Variants in ZC3H12B observed in about 807,000 individuals in gnomAD.
ZC3H12B encodes zinc finger CCCH-type containing 12B, also known as probable ribonuclease ZC3H12B.
Under a neutral mutation model 43.9 loss-of-function variants are expected in ZC3H12B, and 7 were observed. That is an observed-to-expected ratio of 0.16 (90% confidence interval 0.09 to 0.30). The LOEUF (loss-of-function observed/expected upper bound fraction) is 0.30. Ranked by LOEUF, ZC3H12B falls within the 10% of genes least tolerant of loss-of-function variation. ZC3H12B has a pLI of 1.00. For synonymous variants in ZC3H12B, 222 were observed against 241.7 expected (o/e 0.92, Z 0.76); for missense variants, 475 against 670.2 (o/e 0.71, Z 3.22).
chrX:65,440,586 T>A (rs765840152), intron 3 of ZC3H12B, among the ~76,000 whole-genome samples: 29 of 112,353 alleles, frequency 2.6e-4, no homozygotes, highest in Admixed American at 9.4e-4. Flanking sequence ...GCAGGTTGTT[T>A]ACTGCAGGAA....
At chrX:65,057,407 G>A in the ZC3H12B span, among the ~76,000 whole-genome samples, 2 of 111,529 alleles carry the variant, frequency 1.8e-5, no homozygotes, top group Non-Finnish European at 3.8e-5. Flanking sequence ...GTTGAATATT[G>A]GCCCCCACTC....
chrX:65,418,593 T>C (rs750568517), intron 3 of ZC3H12B, among the ~76,000 whole-genome samples: 1 of 111,592 alleles, frequency 9.0e-6, no homozygotes, highest in South Asian at 3.8e-4. Context: ...AAAGCAACAA[T>C]CAGAATAGCC....
chrX:65,251,394 T>G, the ZC3H12B span, among the ~76,000 whole-genome samples: 1 of 111,871 alleles, frequency 8.9e-6, no homozygotes, highest in African/African-American at 3.3e-5. Context: ...TTTGTTCTTT[T>G]GGCTTAGGAT....
the ZC3H12B span, among the ~76,000 whole-genome samples, chrX:65,356,189 G>T: frequency 9.0e-6 from 1 of 111,414 alleles, no homozygotes; most frequent in African/African-American, 3.3e-5. Flanking sequence ...AGCAATTAGG[G>T]TGGAAACATG....
chrX:65,161,247 G>T, the ZC3H12B span, among the ~76,000 whole-genome samples: 1 of 111,433 alleles, frequency 9.0e-6, no homozygotes, highest in African/African-American at 3.3e-5. Flanking sequence ...TGTTGATTTG[G>T]GGTGGAGAGT....
At chrX:65,213,926 TAC>T in the ZC3H12B span, among the ~76,000 whole-genome samples, 14,800 of 105,929 alleles carry the variant, frequency 0.14, 2,458 homozygotes, top group African/African-American at 0.46. Flanking sequence ...CACATATATG[TAC>T]ACACACACAC....
At chrX:65,455,278 T>C (rs1337174390) in intron 3 of ZC3H12B, among the ~76,000 whole-genome samples, 1 of 111,977 alleles carries the variant, frequency 8.9e-6, no homozygotes, top group Non-Finnish European at 1.9e-5. Flanking sequence ...AGAGAAGTCC[T>C]TAAAGGACCT....
the ZC3H12B span, chrX:65,328,097 A>G: frequency 3.9e-6 from 1 of 255,444 alleles, no homozygotes; most frequent in African/African-American, 2.8e-5. Context: ...AAGATAATTC[A>G]GTAATAAAGC....
At chrX:65,390,985 A>G (rs1045386004) in intron 2 of ZC3H12B, among the ~76,000 whole-genome samples, 1 of 112,166 alleles carries the variant, frequency 8.9e-6, no homozygotes, top group Non-Finnish European at 1.9e-5. Flanking sequence ...TAATACAATA[A>G]AATTCACAGA....
At position 65,380,375 on chromosome X, in the gene ZC3H12B, A is replaced by C. The variant is rs771130558; in HGVS notation, n.295+11377A>C. ...CCAAACTAAGCTTCATAAGTGAAGG[A>C]GAAATAAAATACTTTACAGACAAGC... is the stretch of plus-strand genomic sequence containing the variant. On this transcript the variant is annotated intron_variant and non_coding_transcript_variant, in intron 2 of 5. Transcript: ENST00000617377. Among the ~76,000 whole-genome samples, 5 of 111,625 alleles carry C rather than the reference A, an allele frequency of 4.5e-5. No individual in the cohort carries two copies. In the South Asian group the frequency reaches 1.5e-3, roughly 34 times the overall value.
At chrX:65,092,749 C>T in the ZC3H12B span, among the ~76,000 whole-genome samples, 2 of 112,157 alleles carry the variant, frequency 1.8e-5, no homozygotes, top group South Asian at 3.7e-4. Context: ...AAAACTGGAA[C>T]TTATATTTAA....
At chrX:65,083,207 A>G in the ZC3H12B span, among the ~76,000 whole-genome samples, 3 of 111,408 alleles carry the variant, frequency 2.7e-5, no homozygotes, top group Non-Finnish European at 5.7e-5. Flanking sequence ...GGAATGCAAC[A>G]AGGATGCCCA....
At chrX:65,474,567 T>C (rs2067967828) in intron 3 of ZC3H12B, among the ~76,000 whole-genome samples, 1 of 112,040 alleles carries the variant, frequency 8.9e-6, no homozygotes, top group African/African-American at 3.2e-5. Flanking sequence ...TTTCTGTCTA[T>C]GTTGCAGATG....
chrX:65,324,532 T>A, the ZC3H12B span, among the ~76,000 whole-genome samples: 1 of 111,814 alleles, frequency 8.9e-6, no homozygotes, highest in East Asian at 2.8e-4. Context: ...GTTTTTCAAT[T>A]TCCTTTTAAT....
At chrX:65,383,523 C>T (rs1192485405) in intron 2 of ZC3H12B, among the ~76,000 whole-genome samples, 1 of 111,601 alleles carries the variant, frequency 9.0e-6, no homozygotes, top group Non-Finnish European at 1.9e-5. Flanking sequence ...TAGGCATTAC[C>T]ATTCAGGACA....
At chrX:65,415,057 T>C (rs867913428) in intron 3 of ZC3H12B, among the ~76,000 whole-genome samples, 1 of 112,429 alleles carries the variant, frequency 8.9e-6, no homozygotes, top group Middle Eastern at 4.6e-3. Flanking sequence ...CGTGTAGATA[T>C]ACATTGGTTT....
chrX:65,459,051 C>T (rs1406521705), intron 3 of ZC3H12B, among the ~76,000 whole-genome samples: 1 of 111,507 alleles, frequency 9.0e-6, no homozygotes, highest in South Asian at 3.7e-4. Flanking sequence ...CACAGAAATA[C>T]AAACTACCAT....
At chrX:65,236,115 A>T in the ZC3H12B span, among the ~76,000 whole-genome samples, 31 of 112,032 alleles carry the variant, frequency 2.8e-4, no homozygotes, top group African/African-American at 9.4e-4. Context: ...TATCTATCAG[A>T]AGGAAATAAA....
intron 3 of ZC3H12B, 53 bp downstream of exon 8, chrX:65,499,286 C>T: frequency 2.2e-6 from 2 of 912,423 alleles, no homozygotes; most frequent in Non-Finnish European, 3.1e-6. Flanking sequence ...GAATAGATTA[C>T]ATTTTAATAA....
Sources: gnomAD v4.1 joint callset for allele counts (sites outside exome capture counted in the v4.1 genomes callset) on GRCh38, gnomAD v4.1.1 for gene constraint, MANE v1.5 for transcripts, NCBI Gene and HGNC (gene_info 2026-07-23, HGNC 2026-07-21) for gene names.